PRH1: variants seen among roughly 807,000 people sequenced by gnomAD.
The protein encoded by PRH1 is proline rich protein HaeIII subfamily 1.
Under a neutral mutation model 7.9 loss-of-function variants are expected in PRH1, and 7 were observed. The observed-to-expected ratio is 0.89, with a 90% CI of 0.50 to 1.67. The LOEUF is 1.67. PRH1 is among the 40% of genes most tolerant of loss of function. The probability of loss-of-function intolerance (pLI) is 0.00; values close to 1 mark genes in which losing one functional copy is unlikely to be tolerated. For synonymous variants in PRH1, 45 were observed against 80.8 expected, an observed-to-expected ratio of 0.56 and a Z score of 2.38; for missense variants, 109 against 223.6, an observed-to-expected ratio of 0.49 and a Z score of 3.27.
At chr12:10,986,058 C>A (rs1483539418) in intron 1 of PRH1, 2 of 1,613,944 alleles carry the variant, frequency 1.2e-6, no homozygotes, top group Non-Finnish European at 1.7e-6. Context: ...ATATATGTTT[C>A]CAACAGCCTT....
At chr12:11,139,865 A>T (rs1946656390) in intron 1 of PRH1, among the ~76,000 whole-genome samples, 1 of 152,178 alleles carries the variant, frequency 6.6e-6, no homozygotes, top group African/African-American at 2.4e-5. Context: ...TCCTAGGAGT[A>T]GAATATGAAA....
chr12:11,108,324 T>C (rs568143016), intron 1 of PRH1, among the ~76,000 whole-genome samples: 47 of 152,188 alleles, frequency 3.1e-4, no homozygotes, highest in African/African-American at 1.0e-3. Flanking sequence ...ATCACTTAAA[T>C]AGAAAAACTA....
intron 2 of PRH1, among the ~76,000 whole-genome samples, chr12:10,968,845 C>T (rs908254982): frequency 2.0e-5 from 3 of 152,216 alleles, no homozygotes; most frequent in African/African-American, 7.2e-5. Flanking sequence ...CCTGAAACCT[C>T]GAGGGGGAGG....
intron 1 of PRH1, among the ~76,000 whole-genome samples, chr12:11,126,533 AT>A (rs1204741385): frequency 6.6e-6 from 1 of 152,206 alleles, no homozygotes; most frequent in African/African-American, 2.4e-5. Context: ...ACCCATGGAC[AT>A]TTGACAGACT....
chr12:11,035,014 A>C (rs1942377672), intron 1 of PRH1: 1 of 151,818 alleles, frequency 6.6e-6, no homozygotes. Flanking sequence ...AATCCATTGA[A>C]CTCTAGCTTT....
rs945655086 is a variant in PRH1, at chr12:10,933,447, A to G, written c.-59+40208T>C. Among the ~76,000 whole-genome samples the G allele has an allele frequency of 7.2e-5, 11 of 152,170 alleles. No individual in the cohort carries two copies. The East Asian group carries it at 2.1e-3, about 29-fold the overall frequency. ...CAAGTTCTTGAAAAAAAATTTTTTG[A>G]TATGACTACTCTAACAGTAATAACT... is the stretch of plus-strand genomic sequence containing the variant. On this transcript the variant is annotated intron_variant, in intron 2 of 3. Transcript: ENST00000539853.
chr12:11,127,124 A>G (rs1946159352), intron 1 of PRH1, among the ~76,000 whole-genome samples: 1 of 152,282 alleles, frequency 6.6e-6, no homozygotes, highest in Non-Finnish European at 1.5e-5. Context: ...CTATTGAATG[A>G]GTTCAAGGCT....
At chr12:10,922,829 T>TC (rs1950067287) in intron 2 of PRH1, among the ~76,000 whole-genome samples, 1 of 104,110 alleles carries the variant, frequency 9.6e-6, no homozygotes, top group Admixed American at 1.0e-4. Flanking sequence ...TTTTTTCTTT[T>TC]TCTTTTTTTT....
At chr12:10,973,741 A>G in intron 1 of PRH1, 1 of 778,660 alleles carries the variant, frequency 1.3e-6, no homozygotes. Flanking sequence ...GATAAATAAA[A>G]GGCCAAAATT....
chr12:10,963,968 C>T (rs868424078), intron 2 of PRH1, among the ~76,000 whole-genome samples: 8 of 148,042 alleles, frequency 5.4e-5, no homozygotes, highest in Non-Finnish European at 3.0e-5. Flanking sequence ...AAAAACTAGA[C>T]GTTCAAATAA....
chr12:11,128,236 C>G (rs1005654702), intron 1 of PRH1, among the ~76,000 whole-genome samples: 1 of 125,380 alleles, frequency 8.0e-6, no homozygotes, highest in East Asian at 2.5e-4. Flanking sequence ...TTCACTTTTA[C>G]TTTTCTCTAT....
Position 11,161,470 on chromosome 12 carries a change from C to T in PRH1, n.39+9952G>A, listed in dbSNP as rs1432041912. On this transcript the variant is annotated intron_variant and non_coding_transcript_variant, in intron 1 of 1. Coordinates refer to the PRH1 transcript ENST00000541175. ...GCAAACTTTTTAAAAACATTATATGCAATAACTTAGAAGAAGGCCATGTTT... is the reference window on the plus strand; with the variant it reads ...GCAAACTTTTTAAAAACATTATATGTAATAACTTAGAAGAAGGCCATGTTT... Among the ~76,000 whole-genome samples the T allele has an allele frequency of 3.3e-5, 5 of 152,078 alleles. No individual in the cohort carries two copies. The East Asian group carries it at 5.8e-4, about 18-fold the overall frequency.
chr12:11,088,657 G>C lies in PRH1; in HGVS notation n.124-41469C>G, dbSNP rs1362508457. Among the ~76,000 whole-genome samples, 4 of 113,334 alleles carry C rather than the reference G, an allele frequency of 3.5e-5. 2 individuals are homozygous for C. The highest frequency in any genetic ancestry group is 4.1e-5 in the Non-Finnish European group (2 of 48,322). 74.4% of individuals were successfully genotyped at this position (113,334 alleles called of 152,430 possible). On this transcript the variant is annotated intron_variant and non_coding_transcript_variant, in intron 1 of 4. Coordinates refer to the PRH1 transcript ENST00000541977. Reference sequence around the variant, plus strand: ...TTTGGAGACAACATATTCCACATTTGAGAATATAGCTCTGACTCATTAATG... The same window carrying C: ...TTTGGAGACAACATATTCCACATTTCAGAATATAGCTCTGACTCATTAATG...
upstream of PRH1, among the ~76,000 whole-genome samples, chr12:11,051,491 T>C (rs189278937): frequency 8.9e-4 from 135 of 152,218 alleles, no homozygotes; most frequent in Middle Eastern, 3.4e-3. Flanking sequence ...ATGGAAAACA[T>C]AGCAATATGT....
At chr12:10,890,894 G>A (rs1949563757) in intron 2 of PRH1, among the ~76,000 whole-genome samples, 1 of 151,652 alleles carries the variant, frequency 6.6e-6, no homozygotes, top group South Asian at 2.1e-4. Flanking sequence ...TCCCAGTAGG[G>A]TCTCTTTTGT....
intron 1 of PRH1, among the ~76,000 whole-genome samples, chr12:11,071,238 A>T (rs1944053209): frequency 6.6e-6 from 1 of 151,548 alleles, no homozygotes; most frequent in Non-Finnish European, 1.5e-5. Flanking sequence ...CCACTCTAGG[A>T]ATTACCTAAG....
At chr12:11,117,079 C>A (rs1435921939), downstream of PRH1, among the ~76,000 whole-genome samples, 2 of 151,944 alleles carry the variant, frequency 1.3e-5, no homozygotes, top group Non-Finnish European at 2.9e-5. Context: ...GGAGCAATCA[C>A]TCAAGAAAAA....
intron 1 of PRH1, among the ~76,000 whole-genome samples, chr12:11,147,138 A>G (rs1399897679): frequency 1.7e-5 from 2 of 116,856 alleles, no homozygotes; most frequent in African/African-American, 3.1e-5. Context: ...ATATTAATCT[A>G]GAAAGAAATT....
chr12:11,106,757 A>G (rs1592026245), intron 1 of PRH1, among the ~76,000 whole-genome samples: 1 of 151,438 alleles, frequency 6.6e-6, no homozygotes, highest in East Asian at 1.9e-4. Context: ...CCAAGACAGG[A>G]AAGCAGATTT....
Sources: gnomAD v4.1 joint callset for allele counts (sites outside exome capture counted in the v4.1 genomes callset) on GRCh38, gnomAD v4.1.1 for gene constraint, MANE v1.5 for transcripts, NCBI Gene and HGNC (gene_info 2026-07-23, HGNC 2026-07-21) for gene names.